Variants in WDR19 observed in about 807,000 individuals in gnomAD.
WDR19 encodes the protein WD repeat domain 19, also known as WD repeat-containing protein 19.
WDR19 carries 121 observed loss-of-function variants against 180.0 expected under a neutral mutation model. That is an observed-to-expected ratio of 0.67 (90% confidence interval 0.58 to 0.78). WDR19 has a LOEUF of 0.78. WDR19 is among the 30% of genes least tolerant of loss of function. The pLI, the probability that WDR19 is intolerant of heterozygous loss-of-function variation, is 0.00. For synonymous variants in WDR19, 497 were observed against 540.7 expected, an observed-to-expected ratio of 0.92 and a Z score of 1.12; for missense variants, 1,450 against 1,640.7, an observed-to-expected ratio of 0.88 and a Z score of 2.01.
At chr4:39,251,736 A>G (rs1472025153) in intron 24 of WDR19, among the ~76,000 whole-genome samples, 2 of 152,180 alleles carry the variant, frequency 1.3e-5, no homozygotes, top group Non-Finnish European at 2.9e-5. Context: ...ACATTTATGC[A>G]GCCAAAAAAC....
rs1354139389 is a variant in WDR19 at position 39,284,096 on chromosome 4, GTATGTT to G, written c.*14-1387_*14-1382del. Among the ~76,000 whole-genome samples the G allele has an allele frequency of 3.3e-5, 5 of 152,052 alleles. No individual in the cohort carries two copies. In the East Asian group the frequency reaches 5.8e-4, roughly 18 times the overall value. On this transcript the variant is annotated intron_variant, in intron 36 of 36. Transcript: ENST00000399820. Reference sequence around the variant, plus strand: ...GGGATTTTCTAGAATTCTCGAATCTGTATGTTTATATTTTTCCCTCAATTGGGACAT... The same window carrying G: ...GGGATTTTCTAGAATTCTCGAATCTGTATATTTTTCCCTCAATTGGGACAT...
chr4:39,247,030 G>A (rs1458108164), intron 24 of WDR19, among the ~76,000 whole-genome samples: 1 of 152,228 alleles, frequency 6.6e-6, no homozygotes. Flanking sequence ...CGCAGCTTGA[G>A]ATCTGAGAAT....
intron 4 of WDR19, among the ~76,000 whole-genome samples, chr4:39,193,438 G>C (rs1220488782): frequency 6.6e-6 from 1 of 152,212 alleles, no homozygotes; most frequent in South Asian, 2.1e-4. Flanking sequence ...GGTTACAGGC[G>C]TGAGTCACCA....
intron 28 of WDR19, among the ~76,000 whole-genome samples, chr4:39,258,302 G>A (rs962858604): frequency 6.6e-6 from 1 of 152,068 alleles, no homozygotes; most frequent in Admixed American, 6.6e-5. Flanking sequence ...ACCTGTGCCT[G>A]CCACCTTGCC....
At chr4:39,188,262 A>G (rs1233846631) in intron 3 of WDR19, among the ~76,000 whole-genome samples, 3 of 152,148 alleles carry the variant, frequency 2.0e-5, no homozygotes, top group Non-Finnish European at 4.4e-5. Flanking sequence ...CAGAAAAGAA[A>G]AGGTAAATAT....
At chr4:39,269,616 A>G (rs1735147718) in intron 30 of WDR19, among the ~76,000 whole-genome samples, 1 of 152,174 alleles carries the variant, frequency 6.6e-6, no homozygotes, top group Non-Finnish European at 1.5e-5. Flanking sequence ...GAGGCCGAGG[A>G]GGGTGGATTT....
chr4:39,232,938 T>C (rs28612592), intron 19 of WDR19, among the ~76,000 whole-genome samples: 9,457 of 152,208 alleles, frequency 0.062, 987 homozygotes, highest in African/African-American at 0.22. Context: ...ACATTACTAA[T>C]TGAAATCTAA....
chr4:39,211,713 C>T (rs973010894), intron 9 of WDR19, among the ~76,000 whole-genome samples: 1 of 152,096 alleles, frequency 6.6e-6, no homozygotes, highest in African/African-American at 2.4e-5. Flanking sequence ...CTAACAAAAC[C>T]TGTACAGTGT....
chr4:39,275,089 C>A, intron 33 of WDR19, 131 bp downstream of exon 33: 1 of 1,160,494 alleles, frequency 8.6e-7, no homozygotes, highest in Non-Finnish European at 1.2e-6. Context: ...CCTATAATCC[C>A]AACACTTTGG....
intron 21 of WDR19, among the ~76,000 whole-genome samples, chr4:39,241,211 A>C (rs1039205009): frequency 6.6e-6 from 1 of 152,160 alleles, no homozygotes; most frequent in African/African-American, 2.4e-5. Context: ...TATATATAGC[A>C]TTTTTATTAC....
intron 18 of WDR19, 39 bp from the exon 19 acceptor site, chr4:39,232,123 T>C (rs779816384): frequency 1.9e-6 from 3 of 1,571,552 alleles, no homozygotes; most frequent in Non-Finnish European, 2.6e-6. Context: ...AGTTAAACTC[T>C]TGCATTTTTT....
intron 13 of WDR19, among the ~76,000 whole-genome samples, chr4:39,217,616 G>T (rs921050351): frequency 6.6e-6 from 1 of 152,176 alleles, no homozygotes; most frequent in African/African-American, 2.4e-5. Context: ...GGCATTTTGT[G>T]TGGGGGGGTC....
chr4:39,272,874 C>A, intron 31 of WDR19, 106 bp from the exon 32 acceptor site: 2 of 904,554 alleles, frequency 2.2e-6, no homozygotes, highest in Non-Finnish European at 3.3e-6. Flanking sequence ...AAGGATCCCA[C>A]AGTGACCCTG....
chr4:39,215,982 T>A lies in WDR19; in HGVS notation c.1103T>A (p.Leu368His). 1 of 1,610,480 alleles carries A rather than the reference T, an allele frequency of 6.2e-7. No individual in the cohort carries two copies. Among genetic ancestry groups the A allele is most frequent in the South Asian group, 1.1e-5 (1 of 90,256 alleles). ...STRIAYLTSL[L>H]EVTVANPVEG... ...AGGATTGCCTATCTCACCTCCCTCC[T>A]TGAAGTCACCGTAGCCAACCCTGTT... is the stretch of plus-strand genomic sequence containing the variant. The change falls in exon 11 of 37, where the codon CTT (leucine) becomes CAT (histidine). Residue 368 changes from leucine to histidine, a missense_variant. Leu to His is a moderately conservative substitution (Grantham distance 99). Coordinates refer to ENST00000399820, the MANE Select transcript of WDR19 (RefSeq NM_025132.4).
chr4:39,280,529 C>T (rs1736394748), intron 36 of WDR19, among the ~76,000 whole-genome samples: 1 of 151,442 alleles, frequency 6.6e-6, no homozygotes, highest in South Asian at 2.1e-4. Context: ...GTGGCATACA[C>T]CTGTAGTCCC....
chr4:39,267,900 C>T, intron 29 of WDR19, 95 bp from the exon 30 acceptor site: 1 of 1,086,742 alleles, frequency 9.2e-7, no homozygotes, highest in South Asian at 1.4e-5. Flanking sequence ...TTCTCAGTTA[C>T]TGGCAGATGA....
At chr4:39,261,164 A>AT (rs1734258432) in intron 28 of WDR19, among the ~76,000 whole-genome samples, 1 of 102,242 alleles carries the variant, frequency 9.8e-6, no homozygotes, top group Non-Finnish European at 2.1e-5. Context: ...TTTTTTTTCT[A>AT]TTTTTTAGTA....
At position 39,233,519 on chromosome 4, in the gene WDR19, A is replaced by C. The variant is rs189390077; in HGVS notation, c.2253+1247A>C. Among the ~76,000 whole-genome samples the C allele has an allele frequency of 5.3e-5, 8 of 152,360 alleles. No individual in the cohort carries two copies. The East Asian group carries it at 1.5e-3, about 29-fold the overall frequency. On this transcript the variant is annotated intron_variant, in intron 19 of 36. Coordinates refer to ENST00000399820, the MANE Select transcript of WDR19 (RefSeq NM_025132.4). The stretch of plus-strand genomic sequence containing the variant: ...ACAGTGCCTGATCAATAGTAAAGAC[A>C]CATAATTAGCTATTGTAATCATTAA...
In WDR19 at chr4:39,217,991, C is replaced by T. The variant is rs571091734; in HGVS notation, c.1365C>T (p.Ser455=). 2.0e-5 allele frequency: 33 copies of T among 1,613,452 alleles called. No homozygotes were observed. The highest frequency in any genetic ancestry group is 2.3e-5 in the Non-Finnish European group (27 of 1,179,698). Residue 455 remains serine, a synonymous_variant, in exon 14 of 37, where the codon AGC becomes AGT. Coordinates refer to ENST00000399820, the MANE Select transcript of WDR19 (RefSeq NM_025132.4). ...TATTCTTTACGTTTTAGATAGAAAG[C>T]GAAATCTTGGATGCTCAAGAAGAAC... The part of the protein sequence containing the change: ...EGKVQLHLIE[S]EILDAQEERE...
Sources: gnomAD v4.1 joint callset for allele counts (sites outside exome capture counted in the v4.1 genomes callset) on GRCh38, gnomAD v4.1.1 for gene constraint, MANE v1.5 for transcripts, NCBI Gene and HGNC (gene_info 2026-07-23, HGNC 2026-07-21) for gene names.